TGDS: variants seen among roughly 807,000 people sequenced by gnomAD.
TGDS encodes UDP-D-glucose 4,6-dehydratase.
In TGDS, 47 loss-of-function variants were observed where a neutral mutation model predicts 52.3. The ratio of observed to expected loss-of-function variants is 0.90; its 90% CI spans 0.71 to 1.15. TGDS has a LOEUF of 1.15. Ranked by LOEUF, TGDS falls within the 50% of genes most tolerant of loss-of-function variation. The pLI is 0.00. For missense variants in TGDS, 375 were observed against 418.4 expected (o/e 0.90, Z 0.90); for synonymous variants, 115 against 136.9 (o/e 0.84, Z 1.12).
rs766660351 is a variant in TGDS, at chr13:94,590,878, T to C, written c.288A>G (p.Leu96=). The part of the protein sequence containing the change: ...LFETEKIDIV[L]HFAAQTHVDL... The stretch of plus-strand genomic sequence containing the variant: ...CTACATGTGTTTGTGCGGCAAAATG[T>C]AGTACTATATCTATTTTCTCTGTTT... The change falls in exon 4 of 12, where the codon CTA becomes CTG. Residue 96 remains leucine, a synonymous_variant. Coordinates refer to ENST00000261296, the MANE Select transcript of TGDS (RefSeq NM_014305.4). The C allele has an allele frequency of 6.4e-7, 1 of 1,572,862 alleles. No individual in the cohort carries two copies. Among genetic ancestry groups the C allele is most frequent in the Admixed American group, 2.1e-5 (1 of 48,220 alleles).
intron 4 of TGDS, among the ~76,000 whole-genome samples, chr13:94,585,790 ACT>A (rs1888955677): frequency 8.7e-6 from 1 of 114,644 alleles, no homozygotes; most frequent in Non-Finnish European, 1.8e-5. Flanking sequence ...ACAGAACAAG[ACT>A]CTGTCTCAAA....
At chr13:94,595,979 G>A (rs1889360900) in intron 1 of TGDS, 72 bp downstream of exon 1, 1 of 1,583,784 alleles carries the variant, frequency 6.3e-7, no homozygotes, top group Non-Finnish European at 8.7e-7. Context: ...AATTACCTAG[G>A]GCAAGCAGAG....
chr13:94,576,162 G>T, intron 11 of TGDS, 152 bp downstream of exon 11: 1 of 478,556 alleles, frequency 2.1e-6, no homozygotes, highest in Non-Finnish European at 3.6e-6. Context: ...GGAAACACAG[G>T]ACTGCTACTA....
chr13:94,587,735 C>T (rs917000868), intron 4 of TGDS, among the ~76,000 whole-genome samples: 2 of 152,188 alleles, frequency 1.3e-5, no homozygotes, highest in Admixed American at 6.5e-5. Context: ...CGGTGGCTCA[C>T]GCCTGTAATC....
chr13:94,586,679 A>C (rs1888994701), intron 4 of TGDS, among the ~76,000 whole-genome samples: 1 of 152,210 alleles, frequency 6.6e-6, no homozygotes, highest in Non-Finnish European at 1.5e-5. Flanking sequence ...TAAGAACAAG[A>C]AAACCCATAC....
At position 94,581,128 on chromosome 13, in the gene TGDS, G is replaced by A; in HGVS notation, c.518C>T (p.Ala173Val). 6.3e-7 allele frequency: 1 copy of A among 1,594,842 alleles called. No individual in the cohort carries two copies. The highest frequency in any genetic ancestry group is 8.5e-7 in the Non-Finnish European group (1 of 1,170,094). ...TNPYASSKAA[A>V]ECFVQSYWEQ... ...CCAGTAAGACTGTACAAAACATTCA[G>A]CAGCTGCTTTAGATGATGCATAAGG... Residue 173 changes from alanine to valine, a missense_variant, in exon 6 of 12, where the codon GCT (alanine) becomes GTT (valine). By Grantham distance (64) the Ala-to-Val change is moderately conservative. Coordinates refer to ENST00000261296, the MANE Select transcript of TGDS (RefSeq NM_014305.4).
At chr13:94,575,108 T>C (rs986870654) in intron 11 of TGDS, among the ~76,000 whole-genome samples, 8 of 152,074 alleles carry the variant, frequency 5.3e-5, no homozygotes, top group African/African-American at 1.7e-4. Flanking sequence ...AGTCATTCAA[T>C]ACTGAACTTG....
rs375532446 is a variant in TGDS at position 94,586,626 on chromosome 13, T to G, written c.314-3390A>C. ...GTCGTAGCATAAAGGACTACAATCA[T>G]AGAGTACGTTATCTAATCACATACA... On this transcript the variant is annotated intron_variant, in intron 4 of 11. Transcript: ENST00000261296. Among the ~76,000 whole-genome samples the G allele has an allele frequency of 9.9e-5, 15 of 152,202 alleles. No individual in the cohort carries two copies. The South Asian group carries it at 2.9e-3, about 29-fold the overall frequency.
At chr13:94,588,602 A>C (rs1157581616) in intron 4 of TGDS, among the ~76,000 whole-genome samples, 6 of 152,194 alleles carry the variant, frequency 3.9e-5, no homozygotes, top group Non-Finnish European at 8.8e-5. Context: ...TCCAAAGAGG[A>C]TATACTAACA....
At chr13:94,590,573 A>T (rs536092274) in intron 4 of TGDS, among the ~76,000 whole-genome samples, 33 of 152,326 alleles carry the variant, frequency 2.2e-4, no homozygotes, top group African/African-American at 7.7e-4. Context: ...AAAACAACAT[A>T]AAAAATACAG....
Position 94,596,127 on chromosome 13 carries a change from C to G in TGDS, c.10G>C (p.Ala4Pro). 1 of 1,614,116 alleles carries G rather than the reference C, an allele frequency of 6.2e-7. No individual in the cohort carries two copies. Among genetic ancestry groups the G allele is most frequent in the Non-Finnish European group, 8.5e-7 (1 of 1,179,976 alleles). MSAACWEEPWGLPG... is the reference protein window; with the variant it reads MSAPCWEEPWGLPG... ...AGACCCCACGGTTCCTCCCAACACG[C>G]CGCCGACATCTCCCAGCTCAGCAGT... Residue 4 changes from alanine to proline, a missense_variant, in exon 1 of 12, where the codon GCG (alanine) becomes CCG (proline). Ala to Pro is a conservative substitution (Grantham distance 27). Coordinates refer to ENST00000261296, the MANE Select transcript of TGDS (RefSeq NM_014305.4).
intron 3 of TGDS, among the ~76,000 whole-genome samples, chr13:94,591,205 G>A (rs547576452): frequency 1.3e-5 from 2 of 152,106 alleles, no homozygotes; most frequent in Admixed American, 6.5e-5. Context: ...AGTGTTGTCC[G>A]CAACATTTTT....
In TGDS at chr13:94,577,526, CAT is replaced by C. The variant is rs1888642689; in HGVS notation, c.826-99_826-98del. 3.2e-6 allele frequency: 3 copies of C among 933,748 alleles called. No individual in the cohort carries two copies. The Admixed American group carries it at 8.6e-5, about 27-fold the overall frequency. The allele number at this position is 933,748 out of a possible 1,614,324, so 57.8% of individuals were successfully genotyped here. A position where few individuals can be genotyped will look rare whatever the true frequency, so the allele number is the denominator to read the frequency against. On this transcript the variant is annotated intron_variant, in intron 9 of 11. Coordinates refer to ENST00000261296, the MANE Select transcript of TGDS (RefSeq NM_014305.4). The stretch of plus-strand genomic sequence containing the variant: ...CTGATTAAAAAGAAAACAACTGCCT[CAT>C]AGCAGGGAAGACAGCTAAAATGAAC...
intron 4 of TGDS, among the ~76,000 whole-genome samples, chr13:94,586,775 T>C (rs1212538249): frequency 1.2e-5 from 1 of 86,844 alleles, no homozygotes; most frequent in African/African-American, 4.4e-5. Flanking sequence ...TTTTTTTTTT[T>C]TGAGACAAGG....
intron 4 of TGDS, 144 bp from the exon 5 acceptor site, chr13:94,583,380 G>T: frequency 1.3e-6 from 1 of 770,084 alleles, no homozygotes; most frequent in African/African-American, 1.8e-5. Context: ...ACATACACAG[G>T]CAGTCATATT....
intron 3 of TGDS, 107 bp from the exon 4 acceptor site, chr13:94,591,050 A>C (rs1889184453): frequency 1.4e-6 from 1 of 721,090 alleles, no homozygotes; most frequent in Non-Finnish European, 2.3e-6. Context: ...TGTTTAATAG[A>C]GAATGCCTTG....
intron 4 of TGDS, among the ~76,000 whole-genome samples, chr13:94,586,365 A>G (rs1418451296): frequency 6.6e-6 from 1 of 152,238 alleles, no homozygotes; most frequent in Non-Finnish European, 1.5e-5. Flanking sequence ...ACACAGCTAT[A>G]TTAATGTCAA....
chr13:94,587,509 A>G (rs1009990979), intron 4 of TGDS, among the ~76,000 whole-genome samples: 1 of 152,338 alleles, frequency 6.6e-6, no homozygotes, highest in African/African-American at 2.4e-5. Context: ...GAGAAACAAA[A>G]GCATACGTAT....
chr13:94,582,552 C>A (rs1279752152), intron 5 of TGDS, among the ~76,000 whole-genome samples: 2 of 152,174 alleles, frequency 1.3e-5, no homozygotes, highest in Non-Finnish European at 2.9e-5. Context: ...ACGGTTAACA[C>A]TAAGTGTCAA....
Sources: allele counts gnomAD v4.1 joint callset (sites outside exome capture counted in the v4.1 genomes callset), GRCh38; gene constraint gnomAD v4.1.1; transcripts MANE v1.5; gene names NCBI Gene and HGNC (gene_info 2026-07-23, HGNC 2026-07-21).